The following ATP6V1H variants were observed in gnomAD, a reference collection of about 807,000 sequenced individuals.
ATP6V1H encodes the protein ATPase H+ transporting V1 subunit H.
ATP6V1H carries 39 observed loss-of-function variants against 71.7 expected under a neutral mutation model. The observed-to-expected ratio is 0.54, with a 90% CI of 0.42 to 0.71. The LOEUF (loss-of-function observed/expected upper bound fraction) is 0.71, where lower values mean the gene tolerates loss of function less well. Among genes scored for constraint, ATP6V1H ranks in the 30% least tolerant of loss-of-function variants. The pLI is 0.00. For missense variants in ATP6V1H, 509 were observed against 594.9 expected, an observed-to-expected ratio of 0.86 and a Z score of 1.50; for synonymous variants, 192 against 199.3, an observed-to-expected ratio of 0.96 and a Z score of 0.31.
intron 3 of ATP6V1H, chr8:53,832,474 C>G (rs1333741963): frequency 1.3e-5 from 2 of 151,812 alleles, no homozygotes; most frequent in African/African-American, 4.8e-5. Context: ...ATAAATATGG[C>G]AAACAGTAAT....
chr8:53,722,391 C>T (rs922879049), intron 13 of ATP6V1H, among the ~76,000 whole-genome samples: 2 of 152,174 alleles, frequency 1.3e-5, no homozygotes, highest in African/African-American at 4.8e-5. Context: ...CAGGGCATGA[C>T]CCTAGCCAAC....
intron 9 of ATP6V1H, among the ~76,000 whole-genome samples, chr8:53,783,150 C>T (rs1471283447): frequency 2.6e-5 from 4 of 151,600 alleles, no homozygotes; most frequent in Admixed American, 6.6e-5. Context: ...TGGTAGAATT[C>T]GGCTGTGAAT....
intron 2 of ATP6V1H, among the ~76,000 whole-genome samples, chr8:53,838,444 G>A (rs1487571782): frequency 6.6e-6 from 1 of 152,172 alleles, no homozygotes; most frequent in Non-Finnish European, 1.5e-5. Context: ...TATGCGTTCT[G>A]TGAAAATTCC....
intron 3 of ATP6V1H, among the ~76,000 whole-genome samples, chr8:53,830,679 C>A (rs1055890036): frequency 6.6e-6 from 1 of 152,028 alleles, no homozygotes; most frequent in Non-Finnish European, 1.5e-5. Flanking sequence ...TCACACCAGA[C>A]ACTGCTATTA....
chr8:53,757,052 G>A (rs1808091811), intron 11 of ATP6V1H, among the ~76,000 whole-genome samples: 1 of 152,202 alleles, frequency 6.6e-6, no homozygotes, highest in African/African-American at 2.4e-5. Flanking sequence ...TGATAAGAGG[G>A]TGGACTGAGC....
At chr8:53,769,461 G>A (rs1585766021) in intron 11 of ATP6V1H, among the ~76,000 whole-genome samples, 157 bp downstream of exon 11, 1 of 152,098 alleles carries the variant, frequency 6.6e-6, no homozygotes, top group East Asian at 1.9e-4. Flanking sequence ...ATGTCCAGAT[G>A]GTCAAAAGGA....
rs79896292 is a variant in ATP6V1H at position 53,754,460 on chromosome 8, C to A, written c.1277+2095G>T. ...ACCAGGATAAGGCCAACCTGCAGCA[C>A]TGACCTCACCACCCATGTCCCCCAG... is the stretch of plus-strand genomic sequence containing the variant. On this transcript the variant is annotated intron_variant, in intron 12 of 13. Coordinates refer to ENST00000359530, the MANE Select transcript of ATP6V1H (RefSeq NM_015941.4). Among the ~76,000 whole-genome samples the A allele has an allele frequency of 9.2e-5, 14 of 152,310 alleles. No homozygotes were observed. In the East Asian group the frequency reaches 2.7e-3, roughly 29 times the overall value.
chr8:53,757,352 C>T (rs765111291), intron 11 of ATP6V1H, among the ~76,000 whole-genome samples: 2 of 152,180 alleles, frequency 1.3e-5, no homozygotes, highest in Non-Finnish European at 2.9e-5. Flanking sequence ...GGTGCAGCTA[C>T]CCAAGATGTG....
chr8:53,717,830 C>T (rs1806476168), intron 13 of ATP6V1H, among the ~76,000 whole-genome samples: 1 of 152,100 alleles, frequency 6.6e-6, no homozygotes, highest in African/African-American at 2.4e-5. Context: ...AGATATGCTT[C>T]ATTTTAAGGA....
chr8:53,776,079 G>A (rs1034845617), intron 9 of ATP6V1H, among the ~76,000 whole-genome samples: 3 of 152,218 alleles, frequency 2.0e-5, no homozygotes, highest in Admixed American at 6.5e-5. Context: ...GAAATCGAGC[G>A]CAGCGCCGGT....
In ATP6V1H at chr8:53,772,052, T is replaced by G. The variant is rs778757820; in HGVS notation, c.986A>C (p.Glu329Ala). ...ENLEQQKYDD[E>A]DISEDIKFLL... ...AAATTTGATATCTTCGCTGATATCT[T>G]CATCATCGTACTTCTGCTGTTCCAA... Residue 329 changes from glutamate (E) to alanine (A), a missense_variant, in exon 10 of 14, where the codon GAA (glutamate) becomes GCA (alanine). This residue lies in a region of ATP6V1H where 212 missense variants were observed against 291.6 expected (regional missense o/e 0.73). Transcript: ENST00000359530. 2.5e-6 allele frequency: 4 copies of G among 1,614,118 alleles called. No homozygotes were observed. The South Asian group carries it at 4.4e-5, about 18-fold the overall frequency.
chr8:53,776,541 G>C (rs1205139564), intron 9 of ATP6V1H, among the ~76,000 whole-genome samples: 1 of 152,258 alleles, frequency 6.6e-6, no homozygotes, highest in African/African-American at 2.4e-5. Context: ...CACAGGAAGA[G>C]AGAGCTTGGA....
intron 11 of ATP6V1H, among the ~76,000 whole-genome samples, chr8:53,768,927 AT>A (rs1808559465): frequency 6.6e-6 from 1 of 152,176 alleles, no homozygotes; most frequent in Admixed American, 6.5e-5. Context: ...TGCTATACAA[AT>A]TATACCTCAC....
chr8:53,780,019 C>T (rs1337838886), intron 9 of ATP6V1H, among the ~76,000 whole-genome samples: 1 of 151,918 alleles, frequency 6.6e-6, no homozygotes, highest in Non-Finnish European at 1.5e-5. Context: ...ATTAGCCAGG[C>T]GTGGTGCTGC....
At chr8:53,825,880 AT>A (rs955982365) in intron 4 of ATP6V1H, among the ~76,000 whole-genome samples, 29 of 151,844 alleles carry the variant, frequency 1.9e-4, no homozygotes, top group Admixed American at 3.3e-4. Flanking sequence ...GATTAAAAAA[AT>A]TTTTTTTTAT....
Position 53,796,776 on chromosome 8 carries a change from A to C in ATP6V1H, c.678-937T>G, listed in dbSNP as rs879924479. Among the ~76,000 whole-genome samples, 26 of 152,294 alleles carry C rather than the reference A, an allele frequency of 1.7e-4. 1 individual carries two copies. The highest frequency in any genetic ancestry group is 1.6e-3 in the Admixed American group (24 of 15,286). ...ATGGAAATTTGAGGCGGGAGAGGAG[A>C]GGATGTAATGGAAACTCTCTGCACT... On this transcript the variant is annotated intron_variant, in intron 8 of 13. Transcript: ENST00000359530.
chr8:53,769,881 C>A (rs961519773), intron 10 of ATP6V1H, 138 bp from the exon 11 acceptor site: 4 of 710,348 alleles, frequency 5.6e-6, no homozygotes, highest in Non-Finnish European at 8.7e-6. Flanking sequence ...TACCACCAAA[C>A]GAACTTTAAA....
chr8:53,819,310 T>C (rs896963487), intron 4 of ATP6V1H, among the ~76,000 whole-genome samples: 8 of 151,008 alleles, frequency 5.3e-5, no homozygotes, highest in Non-Finnish European at 1.2e-4. Context: ...GACAAGCAGA[T>C]CACTTGAGGT....
chr8:53,742,299 G>GC (rs1807441110), intron 13 of ATP6V1H, among the ~76,000 whole-genome samples: 3 of 152,240 alleles, frequency 2.0e-5, no homozygotes, highest in African/African-American at 7.2e-5. Context: ...TCCACTAGGT[G>GC]CCAGTAGCAC....
Sources: gnomAD v4.1 joint callset for allele counts (sites outside exome capture counted in the v4.1 genomes callset) on GRCh38, gnomAD v4.1.1 for gene constraint, gnomAD v4.1.1 regional missense constraint, MANE v1.5 for transcripts, NCBI Gene and HGNC (gene_info 2026-07-23, HGNC 2026-07-21) for gene names.